MRPS22: variants seen among roughly 807,000 people sequenced by gnomAD.
The protein encoded by MRPS22 is small ribosomal subunit protein mS22.
MRPS22 carries 30 observed loss-of-function variants against 44.0 expected under a neutral mutation model. The ratio of observed to expected loss-of-function variants is 0.68; its 90% confidence interval spans 0.51 to 0.93. MRPS22 has a LOEUF of 0.93. Among genes scored for constraint, MRPS22 ranks in the 40% least tolerant of loss-of-function variants. MRPS22 has a pLI of 0.00. For missense variants in MRPS22, 447 were observed against 447.8 expected (o/e 1.00, Z 0.02); for synonymous variants, 165 against 154.4 (o/e 1.07, Z -0.51).
upstream of MRPS22, chr3:139,343,995 A>G (rs1464309005): frequency 1.9e-6 from 3 of 1,613,636 alleles, no homozygotes; most frequent in East Asian, 2.2e-5. Flanking sequence ...ATCCCTCCCA[A>G]CCACTTCCGG....
intron 7 of MRPS22, 124 bp from the exon 8 acceptor site, chr3:139,356,795 C>A: frequency 1.4e-6 from 1 of 694,852 alleles, no homozygotes; most frequent in Non-Finnish European, 2.5e-6. Context: ...ATTGTGAAAT[C>A]TGAAAGCCCT....
At chr3:139,350,060 A>C (rs976686539) in intron 3 of MRPS22, 119 bp from the exon 4 acceptor site, 1 of 1,163,900 alleles carries the variant, frequency 8.6e-7, no homozygotes, top group East Asian at 2.4e-5. Flanking sequence ...TTGATCTCAT[A>C]TGCATGATTG....
At chr3:139,344,281 G>C in intron 1 of MRPS22, 83 bp downstream of exon 1, 1 of 1,427,612 alleles carries the variant, frequency 7.0e-7, no homozygotes, top group South Asian at 1.2e-5. Context: ...CCACGCGATA[G>C]CCCCCGCGAC....
chr3:139,354,962 G>C (rs1472161988), intron 6 of MRPS22, among the ~76,000 whole-genome samples: 1 of 152,170 alleles, frequency 6.6e-6, no homozygotes, highest in Non-Finnish European at 1.5e-5. Flanking sequence ...TTTTAATGTT[G>C]ATAAAAATTG....
At chr3:139,345,349 T>A (rs1273734741) in intron 1 of MRPS22, among the ~76,000 whole-genome samples, 2 of 151,382 alleles carry the variant, frequency 1.3e-5, no homozygotes, top group African/African-American at 4.9e-5. Context: ...GAGATGAGGA[T>A]AGCCTTGACT....
At chr3:139,353,131 A>G (rs945180155) in intron 6 of MRPS22, among the ~76,000 whole-genome samples, 13 of 152,228 alleles carry the variant, frequency 8.5e-5, no homozygotes, top group Admixed American at 7.2e-4. Context: ...AGAAGTAGAA[A>G]TAAGCTCTGT....
At chr3:139,353,441 G>A (rs1283386352) in intron 6 of MRPS22, among the ~76,000 whole-genome samples, 2 of 152,164 alleles carry the variant, frequency 1.3e-5, no homozygotes, top group Non-Finnish European at 2.9e-5. Context: ...AAGCAGCATG[G>A]CTGTAGTAAG....
rs1260521295 is a variant in MRPS22 at position 139,352,676 on chromosome 3, T to C, written c.762T>C (p.Asp254=). ...KVHHKTYEDI[D]KRGKYDLLRS... ...ATCACAAGACCTATGAAGATATAGA[T>C]AAACGTGGAAAATATGACCTTTTAC... Residue 254 remains aspartate, a synonymous_variant, in exon 6 of 8, where the codon GAT becomes GAC. Transcript: ENST00000680020. The C allele has an allele frequency of 1.9e-6, 3 of 1,613,624 alleles. No homozygotes were observed. The highest frequency in any genetic ancestry group is 1.1e-5 in the South Asian group (1 of 91,072).
At position 139,350,503 on chromosome 3, in the gene MRPS22, C is replaced by T. The variant is rs1478796505; in HGVS notation, c.648+181C>T. The T allele has an allele frequency of 8.1e-6, 5 of 616,470 alleles. No homozygotes were observed. In the East Asian group the frequency reaches 1.2e-4, roughly 15 times the overall value. 38.2% of individuals were successfully genotyped at this position (616,470 alleles called of 1,614,324 possible). A position where few individuals can be genotyped will look rare whatever the true frequency, so the allele number is the denominator to read the frequency against. ...AGTGCAGTGGCGGGATCTCAGCTCA[C>T]TGCAACCTCCACCTTCTGGTTTCAA... is the stretch of plus-strand genomic sequence containing the variant. On this transcript the variant is annotated intron_variant, in intron 4 of 7. Transcript: ENST00000680020.
chr3:139,348,977 C>T (rs1576362657), intron 3 of MRPS22: 2 of 181,454 alleles, frequency 1.1e-5, no homozygotes, highest in African/African-American at 2.4e-5. Flanking sequence ...ACAATTCAGC[C>T]CACAGAATAC....
intron 1 of MRPS22, 152 bp downstream of exon 1, chr3:139,344,350 C>G (rs1940996539): frequency 1.2e-6 from 1 of 862,122 alleles, no homozygotes; most frequent in Non-Finnish European, 1.9e-6. Context: ...TAGAGTTTGT[C>G]ATCACCTGCA....
At chr3:139,353,581 A>T (rs945483646) in intron 6 of MRPS22, among the ~76,000 whole-genome samples, 1 of 152,204 alleles carries the variant, frequency 6.6e-6, no homozygotes, top group Non-Finnish European at 1.5e-5. Flanking sequence ...TACAAACCAT[A>T]TACACAAAGG....
At chr3:139,344,487 G>A in intron 1 of MRPS22, 5 of 611,368 alleles carry the variant, frequency 8.2e-6, no homozygotes, top group Non-Finnish European at 1.5e-5. Context: ...GGGAACTCAT[G>A]TCCATGGGGA....
At chr3:139,356,643 T>G (rs1330773986) in intron 7 of MRPS22, among the ~76,000 whole-genome samples, 1 of 152,234 alleles carries the variant, frequency 6.6e-6, no homozygotes, top group Admixed American at 6.5e-5. Context: ...TGTTTTGATC[T>G]CGAAGGAAGT....
intron 5 of MRPS22, chr3:139,351,582 C>T (rs1560007553): frequency 5.7e-6 from 1 of 174,884 alleles, no homozygotes; most frequent in Non-Finnish European, 1.2e-5. Context: ...CTCCTCAGGC[C>T]TAAAATGCTA....
At chr3:139,350,423 A>G in intron 4 of MRPS22, 101 bp downstream of exon 4, 2 of 1,390,794 alleles carry the variant, frequency 1.4e-6, no homozygotes, top group East Asian at 2.3e-5. Flanking sequence ...TTCTAATGAT[A>G]ACTTGACTTT....
intron 7 of MRPS22, among the ~76,000 whole-genome samples, 195 bp from the exon 8 acceptor site, chr3:139,356,724 G>T (rs1196433824): frequency 6.6e-6 from 1 of 151,988 alleles, no homozygotes; most frequent in East Asian, 1.9e-4. Flanking sequence ...TGCTTGAAAT[G>T]TGTTGGGTAT....
chr3:139,356,775 C>T (rs528686671), intron 7 of MRPS22, 144 bp from the exon 8 acceptor site: 5 of 635,404 alleles, frequency 7.9e-6, no homozygotes, highest in South Asian at 2.0e-5. Flanking sequence ...ATTGTATAAT[C>T]GGGGGAAAAA....
At position 139,350,254 on chromosome 3, in the gene MRPS22, C is replaced by G. The variant is rs773506670; in HGVS notation, c.580C>G (p.Gln194Glu). 1.2e-6 allele frequency: 2 copies of G among 1,614,038 alleles called. No homozygotes were observed. Among genetic ancestry groups the G allele is most frequent in the Non-Finnish European group, 8.5e-7 (1 of 1,179,954 alleles). The part of the protein sequence containing the change: ...ASWEERDRMI[Q>E]VYFPKEGRKI... ...TTGGGAAGAACGGGACCGAATGATA[C>G]AAGTTTATTTCCCAAAAGAAGGTCG... is the stretch of plus-strand genomic sequence containing the variant. The change falls in exon 4 of 8, where the codon CAA becomes GAA. Residue 194 changes from glutamine (Q) to glutamate (E), a missense_variant. Physicochemically the swap from Gln to Glu is conservative, Grantham distance 29 (BLOSUM62 2). Transcript: ENST00000680020.
Sources: gnomAD v4.1 joint callset for allele counts (sites outside exome capture counted in the v4.1 genomes callset) on GRCh38, gnomAD v4.1.1 for gene constraint, MANE v1.5 for transcripts, NCBI Gene and HGNC (gene_info 2026-07-23, HGNC 2026-07-21) for gene names.